Variants in CAVIN4 observed in about 807,000 individuals in gnomAD.
The protein encoded by CAVIN4 is caveolae associated protein 4.
Under a neutral mutation model 18.6 loss-of-function variants are expected in CAVIN4, and 10 were observed. The ratio of observed to expected loss-of-function variants is 0.54; its 90% CI spans 0.33 to 0.91. The LOEUF (loss-of-function observed/expected upper bound fraction) is 0.91, where lower values mean the gene tolerates loss of function less well. Ranked by LOEUF, CAVIN4 falls within the 40% of genes least tolerant of loss-of-function variation. The pLI, the probability that CAVIN4 is intolerant of heterozygous loss-of-function variation, is 0.02. For missense variants in CAVIN4, 459 were observed against 440.5 expected (o/e 1.04, Z -0.38); for synonymous variants, 173 against 164.8 (o/e 1.05, Z -0.38).
upstream of CAVIN4, chr9:100,578,019 C>A: frequency 1.2e-6 from 1 of 851,098 alleles, no homozygotes; most frequent in Non-Finnish European, 1.9e-6. Context: ...AAATACTTGA[C>A]CGTTCTCTAG....
At position 100,586,824 on chromosome 9, in the gene CAVIN4, A is replaced by G. The variant is rs1839486058; in HGVS notation, c.*373A>G. The G allele has an allele frequency of 6.3e-6, 1 of 157,710 alleles. No individual in the cohort carries two copies. Among genetic ancestry groups the G allele is most frequent in the Non-Finnish European group, 1.4e-5 (1 of 71,986 alleles). 9.8% of individuals were successfully genotyped at this position (157,710 alleles called of 1,614,324 possible). ...ATCGTCCAGATGTTCAGATCAACAG[A>G]TTTGTTAGTAAATTAGCAGTCACAC... is the stretch of plus-strand genomic sequence containing the variant. On this transcript the variant is annotated 3_prime_UTR_variant, in exon 2 of 2. Coordinates refer to ENST00000307584, the MANE Select transcript of CAVIN4 (RefSeq NM_001018116.2).
rs372394474 is a variant in CAVIN4, at chr9:100,578,320, G to A, written c.177G>A (p.Arg59=). 1.7e-4 allele frequency: 276 copies of A among 1,613,926 alleles called. No individual in the cohort carries two copies. Among genetic ancestry groups the A allele is most frequent in the Non-Finnish European group, 2.1e-4 (248 of 1,180,002 alleles). The change falls in exon 1 of 2, where the codon AGG becomes AGA. Residue 59 remains arginine (R), a synonymous_variant. Transcript: ENST00000307584. ...ASQKRIEERH[R]EMENAIKSVQ... is the part of the protein sequence containing the mutation. ...AGAAGAGAATAGAAGAGAGACACAG[G>A]GAAATGGAAAATGCCATAAAATCCG...
rs1368151620 is a variant in CAVIN4, at chr9:100,578,457, C to T, written c.314C>T (p.Ala105Val). 1.2e-6 allele frequency: 2 copies of T among 1,613,832 alleles called. No individual in the cohort carries two copies. Among genetic ancestry groups the T allele is most frequent in the East Asian group, 2.2e-5 (1 of 44,894 alleles). Residue 105 changes from alanine (A) to valine (V), a missense_variant, in exon 1 of 2, where the codon GCC becomes GTC. Physicochemically the swap from Ala to Val is moderately conservative, Grantham distance 64. Coordinates refer to ENST00000307584, the MANE Select transcript of CAVIN4 (RefSeq NM_001018116.2). The stretch of plus-strand genomic sequence containing the variant: ...AGTGCTCACATTAAAGATGTGAAAG[C>T]CCGGGTGGAGAAGCAACAAATTCAT... ...KVSAHIKDVK[A>V]RVEKQQIHVK...
chr9:100,586,110 G>A lies in CAVIN4; in HGVS notation c.754G>A (p.Gly252Arg). ...RQSGERLRQS[G>R]ERFKKSISNA... ...GTCAGGGGAGAGGCTGAGACAGTCA[G>A]GGGAGAGGTTTAAGAAATCTATTTC... is the stretch of plus-strand genomic sequence containing the variant. The change falls in exon 2 of 2, where the codon GGG becomes AGG. Residue 252 changes from glycine to arginine, a missense_variant. Transcript: ENST00000307584. 10 of 1,601,950 alleles carry A rather than the reference G, an allele frequency of 6.2e-6. No homozygotes were observed. Among genetic ancestry groups the A allele is most frequent in the Non-Finnish European group, 8.5e-6 (10 of 1,174,218 alleles).
At chr9:100,584,116 C>T (rs1221132671) in intron 1 of CAVIN4, among the ~76,000 whole-genome samples, 2 of 152,108 alleles carry the variant, frequency 1.3e-5, no homozygotes, top group Non-Finnish European at 2.9e-5. Flanking sequence ...TCTGTTCTTC[C>T]CAGATCTATA....
intron 1 of CAVIN4, 70 bp from the exon 2 acceptor site, chr9:100,585,695 C>CCA: frequency 8.3e-7 from 1 of 1,206,908 alleles, no homozygotes; most frequent in Admixed American, 1.8e-5. Flanking sequence ...CAAGGCATGG[C>CCA]CAGAAGGTAA....
Position 100,587,650 on chromosome 9 carries a change from T to C in CAVIN4, c.*1199T>C, listed in dbSNP as rs1443680845. The stretch of plus-strand genomic sequence containing the variant: ...CTCACGGGGAGTAATCCCAGCACTT[T>C]GCGAGGCCGAGGTGGGTGAATCACC... On this transcript the variant is annotated 3_prime_UTR_variant, in exon 2 of 2. Transcript: ENST00000307584. 6.6e-6 allele frequency: 1 copy of C among 152,224 alleles called. No individual in the cohort carries two copies. Among genetic ancestry groups the C allele is most frequent in the Non-Finnish European group, 1.5e-5 (1 of 68,062 alleles). The allele number at this position is 152,224 out of a possible 1,614,324, so 9.4% of individuals were successfully genotyped here. A position where few individuals can be genotyped will look rare whatever the true frequency, so the allele number is the denominator to read the frequency against.
upstream of CAVIN4, chr9:100,577,069 T>G (rs1220200693): frequency 6.5e-6 from 1 of 154,166 alleles, no homozygotes; most frequent in Non-Finnish European, 1.4e-5. Flanking sequence ...ACACTGCCTA[T>G]CGCATGAACT....
Position 100,586,595 on chromosome 9 carries a change from ATAT to A in CAVIN4, c.*151_*153del. ...ATTTAAAATCTTGAAGATAATATAAATATTATTATCACTCTTTCTCATGGCAGC... is the reference window on the plus strand; with the variant it reads ...ATTTAAAATCTTGAAGATAATATAAATATTATCACTCTTTCTCATGGCAGC... On this transcript the variant is annotated 3_prime_UTR_variant, in exon 2 of 2. Coordinates refer to ENST00000307584, the MANE Select transcript of CAVIN4 (RefSeq NM_001018116.2). 3.7e-6 allele frequency: 2 copies of A among 546,260 alleles called. No homozygotes were observed. The highest frequency in any genetic ancestry group is 6.1e-6 in the Non-Finnish European group (2 of 329,000). 33.8% of individuals were successfully genotyped at this position (546,260 alleles called of 1,614,324 possible). A position where few individuals can be genotyped will look rare whatever the true frequency, so the allele number is the denominator to read the frequency against.
chr9:100,578,996 C>T (rs1270667474), intron 1 of CAVIN4, among the ~76,000 whole-genome samples: 1 of 152,052 alleles, frequency 6.6e-6, no homozygotes, highest in Non-Finnish European at 1.5e-5. Flanking sequence ...ATATGGAGAG[C>T]CTGGAAAGGC....
Position 100,578,462 on chromosome 9 carries a change from G to A in CAVIN4, c.319G>A (p.Val107Met), listed in dbSNP as rs1471263477. 5 of 1,614,030 alleles carry A rather than the reference G, an allele frequency of 3.1e-6. No individual in the cohort carries two copies. The South Asian group carries it at 3.3e-5, about 11-fold the overall frequency. The part of the protein sequence containing the change: ...SAHIKDVKAR[V>M]EKQQIHVKKV... ...TCACATTAAAGATGTGAAAGCCCGG[G>A]TGGAGAAGCAACAAATTCATGTTAA... Residue 107 changes from valine to methionine, a missense_variant, in exon 1 of 2, where the codon GTG (valine) becomes ATG (methionine). Coordinates refer to ENST00000307584, the MANE Select transcript of CAVIN4 (RefSeq NM_001018116.2).
chr9:100,585,955 AG>A lies in CAVIN4; in HGVS notation c.601del (p.Ala201HisfsTer18), dbSNP rs1839471656. 6.2e-7 allele frequency: 1 copy of A among 1,614,196 alleles called. No individual in the cohort carries two copies. Among genetic ancestry groups the A allele is most frequent in the African/African-American group, 1.3e-5 (1 of 75,058 alleles). On this transcript the variant is annotated frameshift_variant, in exon 2 of 2. Coordinates refer to ENST00000307584, the MANE Select transcript of CAVIN4 (RefSeq NM_001018116.2). ...SGKEHIDNIK[K>X]AFSKENMQKT... ...AAGGAGCACATTGATAATATCAAGA[AG>A]GCATTTTCCAAAGAAAACATGCAGA... is the stretch of plus-strand genomic sequence containing the variant.
intron 1 of CAVIN4, among the ~76,000 whole-genome samples, chr9:100,584,171 C>G (rs947100610): frequency 6.6e-6 from 1 of 152,200 alleles, no homozygotes; most frequent in African/African-American, 2.4e-5. Flanking sequence ...ATGAATGAGG[C>G]CTTTCTGACC....
chr9:100,580,143 A>G (rs1384705655), intron 1 of CAVIN4, among the ~76,000 whole-genome samples: 2 of 150,990 alleles, frequency 1.3e-5, no homozygotes, highest in East Asian at 3.9e-4. Context: ...ACAAAAATAG[A>G]AAAGTTAACC....
Position 100,583,478 on chromosome 9 carries a change from C to A in CAVIN4, c.409-2287C>A, listed in dbSNP as rs111532007. Among the ~76,000 whole-genome samples the A allele has an allele frequency of 4.8e-3, 733 of 152,254 alleles. 4 individuals carry two copies. The highest frequency in any genetic ancestry group is 0.016 in the African/African-American group (678 of 41,540). On this transcript the variant is annotated intron_variant, in intron 1 of 1. Transcript: ENST00000307584. ...CTTCTCACCCCCAACCTGTCAGCACCCTTACCCAGTGCTCCCTTGCCTCAG... is the reference window on the plus strand; with the variant it reads ...CTTCTCACCCCCAACCTGTCAGCACACTTACCCAGTGCTCCCTTGCCTCAG...
At chr9:100,582,521 A>G (rs1255062368) in intron 1 of CAVIN4, among the ~76,000 whole-genome samples, 2 of 151,950 alleles carry the variant, frequency 1.3e-5, no homozygotes, top group Non-Finnish European at 2.9e-5. Flanking sequence ...ACACTTTAAA[A>G]TTTTCGTGGA....
rs1052798476 is a variant in CAVIN4, at chr9:100,588,199, T to C, written c.*1748T>C. Among the ~76,000 whole-genome samples, 7 of 152,252 alleles carry C rather than the reference T, an allele frequency of 4.6e-5. No homozygotes were observed. The highest frequency in any genetic ancestry group is 1.7e-4 in the African/African-American group (7 of 41,466). ...GATTCAGCATCATTTCCTCTTCACC[T>C]TGCATGAATACATGAAATCATAATA... On this transcript the variant is annotated 3_prime_UTR_variant, in exon 2 of 2. Coordinates refer to ENST00000307584, the MANE Select transcript of CAVIN4 (RefSeq NM_001018116.2).
chr9:100,578,063 T>A, upstream of CAVIN4: 9 of 1,439,692 alleles, frequency 6.3e-6, no homozygotes, highest in Non-Finnish European at 7.8e-6. Flanking sequence ...ACAACCCTGT[T>A]GCCTGTTATC....
rs1839475087 is a variant in CAVIN4, at chr9:100,586,129, C to A, written c.773C>A (p.Ser258Tyr). ...CAGTCAGGGGAGAGGTTTAAGAAAT[C>A]TATTTCTAATGCAGCTCCCTCAAAG... ...LRQSGERFKK[S>Y]ISNAAPSKEA... The change falls in exon 2 of 2, where the codon TCT (serine) becomes TAT (tyrosine). Residue 258 changes from serine (S) to tyrosine (Y), a missense_variant. By Grantham distance (144) the Ser-to-Tyr change is moderately radical. Transcript: ENST00000307584. 2.5e-6 allele frequency: 4 copies of A among 1,587,906 alleles called. No homozygotes were observed. The African/African-American group carries it at 5.4e-5, about 22-fold the overall frequency.
Sources: allele counts gnomAD v4.1 joint callset (sites outside exome capture counted in the v4.1 genomes callset), GRCh38; gene constraint gnomAD v4.1.1; transcripts MANE v1.5; gene names NCBI Gene and HGNC (gene_info 2026-07-23, HGNC 2026-07-21).